DAB1: variants seen among roughly 807,000 people sequenced by gnomAD.
DAB1 encodes the protein disabled homolog 1.
Under a neutral mutation model 64.6 loss-of-function variants are expected in DAB1, and 15 were observed. The observed-to-expected ratio is 0.23, with a 90% CI of 0.16 to 0.36. DAB1 has a LOEUF of 0.36. Among genes scored for constraint, DAB1 ranks in the 10% least tolerant of loss-of-function variants. The pLI is 1.00. For synonymous variants in DAB1, 235 were observed against 251.9 expected (o/e 0.93, Z 0.64); for missense variants, 596 against 706.7 (o/e 0.84, Z 1.78).
At chr1:57,867,586 A>G (rs1313213319) in intron 1 of DAB1, 1 of 152,134 alleles carries the variant, frequency 6.6e-6, no homozygotes, top group Non-Finnish European at 1.5e-5. Context: ...ACAACCTGAC[A>G]TCATCATCTA....
intron 4 of DAB1, among the ~76,000 whole-genome samples, chr1:58,235,199 C>T (rs626282): frequency 0.56 from 84,463 of 152,028 alleles, 24,477 homozygotes; most frequent in Non-Finnish European, 0.66. Flanking sequence ...TGCTTATCTC[C>T]TTTAATGCCC....
intron 7 of DAB1, among the ~76,000 whole-genome samples, chr1:57,431,458 G>A (rs938879109): frequency 1.2e-4 from 19 of 152,160 alleles, no homozygotes; most frequent in Non-Finnish European, 1.5e-4. Context: ...GTCAAAAAAA[G>A]CAATGAAAAA....
chr1:58,000,743 G>A (rs969967358), intron 5 of DAB1, among the ~76,000 whole-genome samples: 2 of 151,838 alleles, frequency 1.3e-5, no homozygotes, highest in Non-Finnish European at 2.9e-5. Flanking sequence ...GCTAATCCTT[G>A]TATTTTTAGT....
rs777597405 is a variant in DAB1, at chr1:57,814,151, G to A, written n.551+69848C>T. Among the ~76,000 whole-genome samples the A allele has an allele frequency of 3.3e-5, 5 of 152,284 alleles. No homozygotes were observed. In the South Asian group the frequency reaches 6.2e-4, roughly 19 times the overall value. On this transcript the variant is annotated intron_variant and non_coding_transcript_variant, in intron 6 of 20. Transcript: ENST00000485760. ...AAGAACTGTTAGAAAAATTGGAGGC[G>A]AGGACACAAATGAGTGTTTTACCTT...
At chr1:57,186,224 A>G (rs1663544828) in intron 2 of DAB1, among the ~76,000 whole-genome samples, 1 of 152,136 alleles carries the variant, frequency 6.6e-6, no homozygotes, top group Admixed American at 6.5e-5. Flanking sequence ...ATTCTCTCCA[A>G]TATGTATCCG....
intron 7 of DAB1, among the ~76,000 whole-genome samples, chr1:57,533,306 C>T (rs112199568): frequency 5.3e-5 from 8 of 151,722 alleles, no homozygotes; most frequent in African/African-American, 1.9e-4. Context: ...TGCTTCTCAC[C>T]GAGACCCTGT....
intron 5 of DAB1, among the ~76,000 whole-genome samples, chr1:58,149,711 T>C (rs954597820): frequency 2.0e-5 from 3 of 152,050 alleles, no homozygotes; most frequent in African/African-American, 7.2e-5. Flanking sequence ...AGGTAGGAGG[T>C]GATTTTTACC....
intron 5 of DAB1, among the ~76,000 whole-genome samples, chr1:57,996,696 T>G (rs187169413): frequency 1.3e-5 from 2 of 152,344 alleles, no homozygotes; most frequent in African/African-American, 4.8e-5. Flanking sequence ...TAGCTCTGCA[T>G]AGATGTCAGA....
rs1646182404 is a variant in DAB1 at position 57,645,499 on chromosome 1, CTTG to C, written n.625+4090_625+4092del. 3.9e-5 allele frequency among the ~76,000 whole-genome samples: 6 copies of C among 152,254 alleles called. No homozygotes were observed. The South Asian group carries it at 1.0e-3, about 26-fold the overall frequency. The stretch of plus-strand genomic sequence containing the variant: ...AAGAGTCTCTTCAGCTTCTTCCTTC[CTTG>C]TTGTCAAAAAGATCAACATATCTGC... On this transcript the variant is annotated intron_variant and non_coding_transcript_variant, in intron 7 of 20. Coordinates refer to the DAB1 transcript ENST00000485760.
chr1:57,769,865 C>A (rs1188619304), intron 6 of DAB1, among the ~76,000 whole-genome samples: 1 of 152,110 alleles, frequency 6.6e-6, no homozygotes, highest in African/African-American at 2.4e-5. Context: ...ACAGCACAGT[C>A]CCTTCTCCTG....
intron 9 of DAB1, among the ~76,000 whole-genome samples, chr1:57,051,310 A>C (rs1389343513): frequency 6.6e-6 from 1 of 152,198 alleles, no homozygotes; most frequent in Non-Finnish European, 1.5e-5. Context: ...TGTGGTGCTT[A>C]ATGAGGAAGT....
chr1:57,346,074 T>G (rs882283), intron 1 of DAB1, among the ~76,000 whole-genome samples: 83,358 of 151,984 alleles, frequency 0.55, 23,674 homozygotes, highest in African/African-American at 0.61. Flanking sequence ...CGGAAGAGGT[T>G]AGTGAGGTTG....
intron 3 of DAB1, among the ~76,000 whole-genome samples, chr1:58,490,710 C>A (rs919700570): frequency 1.4e-5 from 2 of 145,488 alleles, no homozygotes; most frequent in Admixed American, 1.4e-4. Flanking sequence ...GGGTTACCCA[C>A]AAAGGGAAGC....
At chr1:58,257,509 C>T (rs1365450305) in intron 4 of DAB1, among the ~76,000 whole-genome samples, 1 of 152,086 alleles carries the variant, frequency 6.6e-6, no homozygotes, top group Non-Finnish European at 1.5e-5. Context: ...TGCAATTGGT[C>T]AAAAGGGCTA....
At chr1:57,933,804 CT>C (rs972573374) in intron 5 of DAB1, among the ~76,000 whole-genome samples, 1 of 152,080 alleles carries the variant, frequency 6.6e-6, no homozygotes, top group Non-Finnish European at 1.5e-5. Flanking sequence ...CTAACAGGTC[CT>C]TTTTCAAAGC....
chr1:58,083,390 C>G (rs1296393545), intron 5 of DAB1, among the ~76,000 whole-genome samples: 1 of 152,198 alleles, frequency 6.6e-6, no homozygotes, highest in East Asian at 1.9e-4. Context: ...CCAAGGCACT[C>G]TAGTATTATG....
At chr1:58,075,530 G>C (rs959675920) in intron 5 of DAB1, among the ~76,000 whole-genome samples, 2 of 152,214 alleles carry the variant, frequency 1.3e-5, no homozygotes, top group African/African-American at 4.8e-5. Context: ...CCTGGTGATT[G>C]TGTATGTTGG....
At chr1:58,205,967 A>G (rs1243634126) in intron 4 of DAB1, among the ~76,000 whole-genome samples, 1 of 152,068 alleles carries the variant, frequency 6.6e-6, no homozygotes, top group Non-Finnish European at 1.5e-5. Flanking sequence ...TGGCCAGCTG[A>G]GTATTTTTTT....
intron 1 of DAB1, among the ~76,000 whole-genome samples, chr1:57,298,819 C>T (rs1673406106): frequency 6.6e-6 from 1 of 152,098 alleles, no homozygotes; most frequent in Admixed American, 6.5e-5. Context: ...AGAAGATAGG[C>T]TATATGTTTG....
Sources: allele counts gnomAD v4.1 joint callset (sites outside exome capture counted in the v4.1 genomes callset), GRCh38; gene constraint gnomAD v4.1.1; transcripts MANE v1.5; gene names NCBI Gene and HGNC (gene_info 2026-07-23, HGNC 2026-07-21).